Variants in PRKCB observed in about 807,000 individuals in gnomAD.
PRKCB encodes protein kinase C beta type.
A neutral mutation model predicts 81.5 loss-of-function variants in PRKCB; 13 were observed. The ratio of observed to expected loss-of-function variants is 0.16; its 90% CI spans 0.10 to 0.25. PRKCB has a LOEUF of 0.25. Ranked by LOEUF, PRKCB falls within the 10% of genes least tolerant of loss-of-function variation. The pLI, the probability that PRKCB is intolerant of heterozygous loss-of-function variation, is 1.00. For missense variants in PRKCB, 509 were observed against 875.7 expected (o/e 0.58, Z 5.29); for synonymous variants, 335 against 321.4 (o/e 1.04, Z -0.45).
rs890774772 is a variant in PRKCB at position 23,836,121 on chromosome 16, C to T, written c.-55C>T. 1 of 1,174,730 alleles carries T rather than the reference C, an allele frequency of 8.5e-7. No individual in the cohort carries two copies. The highest frequency in any genetic ancestry group is 1.1e-6 in the Non-Finnish European group (1 of 943,340). The allele number at this position is 1,174,730 out of a possible 1,614,324, so 72.8% of individuals were successfully genotyped here. On this transcript the variant is annotated 5_prime_UTR_variant, in exon 1 of 17. Transcript: ENST00000643927. ...CCGCGCCTCCCCGGCCCGCAGCCCG[C>T]GGTCCCGCGGCCCCGGGGCCGGCAC...
intron 7 of PRKCB, among the ~76,000 whole-genome samples, chr16:24,109,427 CG>C (rs1243189654): frequency 3.5e-5 from 4 of 115,196 alleles, no homozygotes; most frequent in Admixed American, 8.3e-5. Context: ...ACCTCCCAGA[CG>C]GGGTTGCGGC....
intron 2 of PRKCB, among the ~76,000 whole-genome samples, chr16:23,907,072 ATTGGGGGGTGGAATAGGTCT>A (rs1466279638): frequency 6.6e-6 from 1 of 152,096 alleles, no homozygotes; most frequent in African/African-American, 2.4e-5. Flanking sequence ...CATTATTGAC[ATTGGGGGGTGGAATAGGTCT>A]TTGTTGGAGC....
chr16:24,069,644 G>A (rs548992207), intron 5 of PRKCB, among the ~76,000 whole-genome samples: 34 of 152,326 alleles, frequency 2.2e-4, no homozygotes, highest in African/African-American at 8.2e-4. Flanking sequence ...GGAGGCTGAG[G>A]TGGGAGGATC....
chr16:24,219,621 A>G lies in PRKCB; in HGVS notation c.*4805A>G. 1 of 1,050,478 alleles carries G rather than the reference A, an allele frequency of 9.5e-7. No homozygotes were observed. Among genetic ancestry groups the G allele is most frequent in the Non-Finnish European group, 1.1e-6 (1 of 872,194 alleles). 65.1% of individuals were successfully genotyped at this position (1,050,478 alleles called of 1,614,324 possible). On this transcript the variant is annotated 3_prime_UTR_variant, in exon 17 of 17. Transcript: ENST00000643927. ...TAAGCATGGTAATAAGTAGCTTCCAATTCAATTCATCCTAAAGCCAAAGAA... is the reference window on the plus strand; with the variant it reads ...TAAGCATGGTAATAAGTAGCTTCCAGTTCAATTCATCCTAAAGCCAAAGAA...
At chr16:23,953,930 G>A (rs1001318367) in intron 2 of PRKCB, among the ~76,000 whole-genome samples, 3 of 149,382 alleles carry the variant, frequency 2.0e-5, no homozygotes, top group African/African-American at 7.4e-5. Context: ...ATGCAGTGAT[G>A]TGATCTCAGC....
At chr16:23,895,298 C>T (rs1290426830) in intron 2 of PRKCB, among the ~76,000 whole-genome samples, 1 of 152,056 alleles carries the variant, frequency 6.6e-6, no homozygotes, top group East Asian at 1.9e-4. Context: ...TTCTTATGAG[C>T]TTTGCCAGAG....
At chr16:23,871,857 GGTTTTTT>G (rs1422756746) in intron 2 of PRKCB, among the ~76,000 whole-genome samples, 1 of 23,708 alleles carries the variant, frequency 4.2e-5, no homozygotes. Flanking sequence ...AAGTTATACA[GGTTTTTT>G]TTTTTTTTTT....
chr16:24,061,849 C>A (rs1436632785), intron 5 of PRKCB, among the ~76,000 whole-genome samples: 1 of 144,946 alleles, frequency 6.9e-6, no homozygotes, highest in African/African-American at 2.5e-5. Context: ...AGCGACAAAG[C>A]AATCTAAACA....
chr16:24,043,001 C>T (rs1046089914), intron 5 of PRKCB, among the ~76,000 whole-genome samples: 8 of 152,048 alleles, frequency 5.3e-5, no homozygotes, highest in South Asian at 2.1e-4. Flanking sequence ...CCTCCCAAAG[C>T]GCTGGGATTA....
chr16:24,124,974 A>G (rs1304197663), intron 9 of PRKCB, among the ~76,000 whole-genome samples: 2 of 152,196 alleles, frequency 1.3e-5, no homozygotes, highest in East Asian at 1.9e-4. Context: ...CTAATCATTA[A>G]TATCACCTGG....
Position 24,216,391 on chromosome 16 carries a change from A to G in PRKCB, c.*1575A>G. ...CCAAGGAAACCCTTCGGTGGGAGAAATTTCATTTCTGTCTGAGAGGATTAA... is the reference window on the plus strand; with the variant it reads ...CCAAGGAAACCCTTCGGTGGGAGAAGTTTCATTTCTGTCTGAGAGGATTAA... On this transcript the variant is annotated 3_prime_UTR_variant, in exon 17 of 17. Coordinates refer to ENST00000643927, the MANE Select transcript of PRKCB (RefSeq NM_002738.7). 2 of 985,280 alleles carry G rather than the reference A, an allele frequency of 2.0e-6. No homozygotes were observed. The highest frequency in any genetic ancestry group is 2.4e-6 in the Non-Finnish European group (2 of 829,902). 61.0% of individuals were successfully genotyped at this position (985,280 alleles called of 1,614,324 possible).
chr16:23,844,893 C>T (rs932442695), intron 2 of PRKCB, among the ~76,000 whole-genome samples: 1 of 151,804 alleles, frequency 6.6e-6, no homozygotes, highest in South Asian at 2.1e-4. Flanking sequence ...CCTCCGCCTC[C>T]CAGGTTCAAG....
chr16:23,925,547 C>T (rs1963884701), intron 2 of PRKCB, among the ~76,000 whole-genome samples: 1 of 152,090 alleles, frequency 6.6e-6, no homozygotes, highest in African/African-American at 2.4e-5. Context: ...TCTTGTCAGC[C>T]TTGAAGTGCC....
chr16:23,841,324 C>T (rs1962259963), intron 2 of PRKCB, among the ~76,000 whole-genome samples: 1 of 152,068 alleles, frequency 6.6e-6, no homozygotes, highest in Non-Finnish European at 1.5e-5. Context: ...AGGTGATCCA[C>T]CCGCCTCGGA....
rs1039072209 is a variant in PRKCB at position 24,136,807 on chromosome 16, G to T, written c.1065+12826G>T. 2.6e-5 allele frequency among the ~76,000 whole-genome samples: 4 copies of T among 152,322 alleles called. No individual in the cohort carries two copies. In the South Asian group the frequency reaches 6.2e-4, roughly 24 times the overall value. The stretch of plus-strand genomic sequence containing the variant: ...TGAGAAAGAAGAAAACGACGGGCCT[G>T]TCTGGCACACAGGCCAAAGTGGGAG... On this transcript the variant is annotated intron_variant, in intron 9 of 16. Coordinates refer to ENST00000643927, the MANE Select transcript of PRKCB (RefSeq NM_002738.7).
chr16:24,035,623 G>T (rs1210960049), intron 5 of PRKCB, 76 bp downstream of exon 5: 1 of 1,464,052 alleles, frequency 6.8e-7, no homozygotes, highest in East Asian at 2.4e-5. Context: ...GTGGCGGAGG[G>T]GTGGGGCAGT....
intron 16 of PRKCB, among the ~76,000 whole-genome samples, chr16:24,210,138 A>C (rs960439604): frequency 2.0e-5 from 3 of 152,112 alleles, no homozygotes; most frequent in Non-Finnish European, 4.4e-5. Context: ...TATTATAAAA[A>C]CAAAACATAC....
At chr16:23,997,709 G>A (rs1345701945) in intron 3 of PRKCB, among the ~76,000 whole-genome samples, 1 of 152,168 alleles carries the variant, frequency 6.6e-6, no homozygotes, top group Non-Finnish European at 1.5e-5. Flanking sequence ...TAAGTTATAG[G>A]ATACCAGGAC....
chr16:24,143,728 G>C (rs544290432), intron 9 of PRKCB, among the ~76,000 whole-genome samples: 2 of 152,316 alleles, frequency 1.3e-5, no homozygotes, highest in Non-Finnish European at 2.9e-5. Flanking sequence ...ATGTAATCTT[G>C]AATGATGCTC....
Sources: allele counts gnomAD v4.1 joint callset (sites outside exome capture counted in the v4.1 genomes callset), GRCh38; gene constraint gnomAD v4.1.1; transcripts MANE v1.5; gene names NCBI Gene and HGNC (gene_info 2026-07-23, HGNC 2026-07-21).